The following DCX variants were observed in gnomAD, a reference collection of about 807,000 sequenced individuals.
DCX encodes doublecortin.
In DCX, 4 loss-of-function variants were observed where a neutral mutation model predicts 20.9. The observed-to-expected ratio is 0.19, with a 90% CI of 0.09 to 0.44. DCX has a LOEUF of 0.44. DCX is among the 20% of genes least tolerant of loss of function. DCX has a pLI of 0.99. For synonymous variants in DCX, 103 were observed against 111.4 expected (o/e 0.92, Z 0.47); for missense variants, 133 against 296.9 (o/e 0.45, Z 4.06).
intron 6 of DCX, among the ~76,000 whole-genome samples, chrX:111,310,369 G>GA (rs1349289905): frequency 1.8e-5 from 2 of 110,018 alleles, no homozygotes; most frequent in Non-Finnish European, 3.8e-5. Flanking sequence ...ATAAATAAAA[G>GA]AAAAAATAAT....
intron 5 of DCX, among the ~76,000 whole-genome samples, chrX:111,322,423 T>G (rs1463062096): frequency 8.9e-6 from 1 of 112,232 alleles, no homozygotes; most frequent in East Asian, 2.8e-4. Flanking sequence ...CCTAATGCCT[T>G]GCAGAGGGAG....
chrX:111,351,090 A>T (rs1478584259), intron 3 of DCX, among the ~76,000 whole-genome samples: 1 of 112,079 alleles, frequency 8.9e-6, no homozygotes, highest in Non-Finnish European at 1.9e-5. Context: ...ACAATTCAAG[A>T]TGGGATTTGG....
chrX:111,306,353 G>C (rs2095045268), intron 6 of DCX, among the ~76,000 whole-genome samples: 1 of 111,535 alleles, frequency 9.0e-6, no homozygotes, highest in Admixed American at 9.6e-5. Context: ...ATTTTATAAT[G>C]ATAAAAAGAG....
At chrX:111,328,595 TC>T (rs1237840390) in intron 5 of DCX, among the ~76,000 whole-genome samples, 1 of 112,095 alleles carries the variant, frequency 8.9e-6, no homozygotes, top group Admixed American at 9.5e-5. Context: ...TCTTCAACAC[TC>T]TTTCCTTTAA....
intron 3 of DCX, 60 bp from the exon 4 acceptor site, chrX:111,333,213 C>T: frequency 4.4e-6 from 4 of 905,114 alleles, no homozygotes; most frequent in Non-Finnish European, 4.8e-6. Context: ...GAACCTCACA[C>T]TACACTGACA....
rs1192785059 is a variant in DCX, at chrX:111,410,998, C to T, written c.-22-578G>A. On this transcript the variant is annotated intron_variant, in intron 1 of 6. Coordinates refer to ENST00000636035, the MANE Select transcript of DCX (RefSeq NM_001195553.2). ...ATTTTATTCCAAGCCCTCTTTCCTACTCTAATGTGTGCATCCCCTCCCCCC... is the reference window on the plus strand; with the variant it reads ...ATTTTATTCCAAGCCCTCTTTCCTATTCTAATGTGTGCATCCCCTCCCCCC... 4 of 1,152,315 alleles carry T rather than the reference C, an allele frequency of 3.5e-6. No individual in the cohort carries two copies. In the East Asian group the frequency reaches 9.0e-5, roughly 26 times the overall value. The allele number at this position is 1,152,315 out of a possible 1,213,427, so 95.0% of individuals were successfully genotyped here. A position where few individuals can be genotyped will look rare whatever the true frequency, so the allele number is the denominator to read the frequency against.
At chrX:111,372,682 G>T (rs918948371) in intron 3 of DCX, among the ~76,000 whole-genome samples, 1 of 111,705 alleles carries the variant, frequency 9.0e-6, no homozygotes, top group African/African-American at 3.3e-5. Flanking sequence ...GCAGAAGATG[G>T]ATATCTAGTA....
chrX:111,380,216 T>C (rs1163348268), intron 3 of DCX, among the ~76,000 whole-genome samples: 4 of 111,882 alleles, frequency 3.6e-5, no homozygotes, highest in African/African-American at 1.3e-4. Flanking sequence ...TTTTCTTTGG[T>C]TGCTTGTGTT....
intron 3 of DCX, among the ~76,000 whole-genome samples, chrX:111,388,360 C>T (rs888959297): frequency 1.8e-5 from 2 of 111,876 alleles, no homozygotes; most frequent in African/African-American, 6.5e-5. Context: ...TTTATAAGCC[C>T]TATCAAAATG....
intron 3 of DCX, among the ~76,000 whole-genome samples, chrX:111,397,881 A>G (rs1355424187): frequency 1.8e-5 from 2 of 110,582 alleles, no homozygotes; most frequent in Non-Finnish European, 3.8e-5. Context: ...TTCATTAAAA[A>G]TGTTTGTGGT....
chrX:111,400,653 G>C (rs1177960094), intron 3 of DCX, among the ~76,000 whole-genome samples: 2 of 111,938 alleles, frequency 1.8e-5, no homozygotes, highest in African/African-American at 6.5e-5. Context: ...CACATGTATT[G>C]AACAATGAAG....
intron 4 of DCX, among the ~76,000 whole-genome samples, chrX:111,331,571 C>T (rs1190471853): frequency 1.8e-5 from 2 of 111,892 alleles, no homozygotes; most frequent in African/African-American, 6.5e-5. Context: ...TTGCATTTAT[C>T]AAGTTCTTTT....
At chrX:111,405,025 G>A (rs775299892) in intron 2 of DCX, among the ~76,000 whole-genome samples, 6 of 112,298 alleles carry the variant, frequency 5.3e-5, no homozygotes, top group African/African-American at 1.6e-4. Flanking sequence ...GTGCAAATTC[G>A]CTGGAACTAA....
chrX:111,409,938 A>T, intron 2 of DCX, 97 bp downstream of exon 2: 7 of 1,134,266 alleles, frequency 6.2e-6, no homozygotes, highest in Non-Finnish European at 8.4e-6. Flanking sequence ...GTTTTGAAAA[A>T]TACATTGCCT....
chrX:111,363,899 T>C (rs890628402), intron 3 of DCX, among the ~76,000 whole-genome samples: 4 of 111,928 alleles, frequency 3.6e-5, no homozygotes, highest in African/African-American at 9.7e-5. Flanking sequence ...TTGCATGGGC[T>C]GCAGATACCA....
intron 5 of DCX, among the ~76,000 whole-genome samples, chrX:111,317,521 C>T (rs1341284083): frequency 9.2e-6 from 1 of 108,437 alleles, no homozygotes; most frequent in Non-Finnish European, 1.9e-5. Context: ...ATAATGAAGA[C>T]ATCAAAAGCA....
At chrX:111,319,202 C>T (rs2147609867) in intron 5 of DCX, among the ~76,000 whole-genome samples, 1 of 111,828 alleles carries the variant, frequency 8.9e-6, no homozygotes, top group Non-Finnish European at 1.9e-5. Context: ...TATGATCAAA[C>T]TTGCATTTTA....
rs201675196 is a variant in DCX, at chrX:111,318,361, TATAATAATAATA to T, written c.947-5637_947-5626del. Among the ~76,000 whole-genome samples the T allele has an allele frequency of 9.0e-5, 9 of 100,083 alleles. No individual in the cohort carries two copies. The South Asian group carries it at 2.2e-3, about 24-fold the overall frequency. The allele number at this position is 100,083 out of a possible 115,157, so 86.9% of individuals were successfully genotyped here. On this transcript the variant is annotated intron_variant, in intron 5 of 6. Transcript: ENST00000636035. ...CCTCAGTGTACCCTAAAACTTAAAG[TATAATAATAATA>T]ATAATAATAATAATAACAATAATAA...
chrX:111,307,428 T>G (rs768468123), intron 6 of DCX, among the ~76,000 whole-genome samples: 1 of 110,847 alleles, frequency 9.0e-6, no homozygotes, highest in South Asian at 3.8e-4. Flanking sequence ...TATTACTATG[T>G]TATGACTATT....
Sources: gnomAD v4.1 joint callset for allele counts (sites outside exome capture counted in the v4.1 genomes callset) on GRCh38, gnomAD v4.1.1 for gene constraint, MANE v1.5 for transcripts, NCBI Gene and HGNC (gene_info 2026-07-23, HGNC 2026-07-21) for gene names.